PLEKHH2: variants seen among roughly 807,000 people sequenced by gnomAD.
The protein encoded by PLEKHH2 is pleckstrin homology domain-containing family H member 2.
In PLEKHH2, 129 loss-of-function variants were observed where a neutral mutation model predicts 187.9. The ratio of observed to expected loss-of-function variants is 0.69; its 90% CI spans 0.59 to 0.79. The LOEUF is 0.79. Ranked by LOEUF, PLEKHH2 falls within the 30% of genes least tolerant of loss-of-function variation. PLEKHH2 has a pLI of 0.00. For missense variants in PLEKHH2, 2,076 were observed against 1,751.2 expected (o/e 1.19, Z -3.31); for synonymous variants, 686 against 605.6 (o/e 1.13, Z -1.95).
intron 6 of PLEKHH2, 40 bp from the exon 7 acceptor site, chr2:43,697,131 T>C: frequency 6.7e-7 from 1 of 1,483,724 alleles, no homozygotes; most frequent in Non-Finnish European, 9.1e-7. Context: ...CAAACTTCTA[T>C]AAAAAATTCA....
intron 2 of PLEKHH2, 132 bp from the exon 3 acceptor site, chr2:43,678,731 G>GGTGGAA (rs1274193798): frequency 3.2e-6 from 2 of 624,690 alleles, no homozygotes; most frequent in Non-Finnish European, 5.8e-6. Context: ...CGTGGGTAGA[G>GGTGGAA]GTGGAAGTGG....
intron 2 of PLEKHH2, among the ~76,000 whole-genome samples, chr2:43,670,463 C>T (rs1167641272): frequency 6.6e-6 from 1 of 151,760 alleles, no homozygotes; most frequent in Non-Finnish European, 1.5e-5. Context: ...TAGAGTAAAC[C>T]AATAAAAATT....
intron 25 of PLEKHH2, among the ~76,000 whole-genome samples, chr2:43,754,964 C>T (rs935315308): frequency 6.6e-6 from 1 of 151,026 alleles, no homozygotes; most frequent in African/African-American, 2.4e-5. Context: ...CCCCCACCTC[C>T]CGGGTTCAAG....
intron 1 of PLEKHH2, among the ~76,000 whole-genome samples, chr2:43,642,289 A>G (rs919221972): frequency 6.6e-6 from 1 of 152,194 alleles, no homozygotes; most frequent in South Asian, 2.1e-4. Context: ...TTGCTAGTGT[A>G]TAGAAAAACA....
intron 1 of PLEKHH2, among the ~76,000 whole-genome samples, chr2:43,644,133 T>C (rs1010059470): frequency 2.6e-5 from 4 of 152,076 alleles, no homozygotes; most frequent in African/African-American, 4.8e-5. Context: ...TTGAGAGTGA[T>C]GATAAGGAAT....
At chr2:43,760,281 C>G (rs1361026493) in intron 27 of PLEKHH2, among the ~76,000 whole-genome samples, 1 of 151,728 alleles carries the variant, frequency 6.6e-6, no homozygotes, top group Non-Finnish European at 1.5e-5. Flanking sequence ...TTATAACAAG[C>G]GACACCTCCT....
At chr2:43,655,310 G>C (rs1165917119) in intron 2 of PLEKHH2, among the ~76,000 whole-genome samples, 1 of 152,110 alleles carries the variant, frequency 6.6e-6, no homozygotes, top group Non-Finnish European at 1.5e-5. Context: ...TATCTGTATA[G>C]GATAGTGTAG....
intron 2 of PLEKHH2, among the ~76,000 whole-genome samples, chr2:43,658,215 T>C (rs1024114211): frequency 1.3e-5 from 2 of 152,254 alleles, no homozygotes; most frequent in African/African-American, 4.8e-5. Context: ...TGTTTTCTTC[T>C]GCTCCTTCCC....
rs70965309 is a variant in PLEKHH2 at position 43,638,248 on chromosome 2, A to AACACAC, written c.-4+904_-4+909dup. Among the ~76,000 whole-genome samples, 628 of 148,862 alleles carry AACACAC rather than the reference A, an allele frequency of 4.2e-3. 1 individual carries two copies. The highest frequency in any genetic ancestry group is 0.01 in the African/African-American group (423 of 40,472). On this transcript the variant is annotated intron_variant, in intron 1 of 29. Coordinates refer to ENST00000282406, the MANE Select transcript of PLEKHH2 (RefSeq NM_172069.4). ...TCAGTCTCGTCGAGAAAGATCTTTT[A>AACACAC]ACACACACACACACACACACACACA...
At chr2:43,707,294 G>A in intron 10 of PLEKHH2, 107 bp from the exon 11 acceptor site, 3 of 1,275,134 alleles carry the variant, frequency 2.4e-6, no homozygotes, top group African/African-American at 1.5e-5. Flanking sequence ...ATACAGGGAG[G>A]TTGCTCTGCT....
Position 43,710,818 on chromosome 2 carries a change from C to A in PLEKHH2, c.2301+243C>A, listed in dbSNP as rs79670606. 1.1e-4 allele frequency: 142 copies of A among 1,264,216 alleles called. No individual in the cohort carries two copies. In the East Asian group the frequency reaches 4.1e-3, roughly 37 times the overall value. The allele number at this position is 1,264,216 out of a possible 1,614,324, so 78.3% of individuals were successfully genotyped here. A position where few individuals can be genotyped will look rare whatever the true frequency, so the allele number is the denominator to read the frequency against. On this transcript the variant is annotated intron_variant, in intron 14 of 29. Coordinates refer to ENST00000282406, the MANE Select transcript of PLEKHH2 (RefSeq NM_172069.4). ...CCTTTCTTCCTTTATACTCTTCTTT[C>A]CTCATATTTAATCTCCTAGGTATTT...
Position 43,691,324 on chromosome 2 carries a change from G to T in PLEKHH2, c.187-1190G>T, listed in dbSNP as rs555126228. On this transcript the variant is annotated intron_variant, in intron 3 of 29. Transcript: ENST00000282406. Reference sequence around the variant, plus strand: ...GGTGGTCCCCCCACCCGAAGCAGGAGATTTCCCAATATGGCTGAGCCCGGG... The same window carrying T: ...GGTGGTCCCCCCACCCGAAGCAGGATATTTCCCAATATGGCTGAGCCCGGG... 1.6e-3 allele frequency among the ~76,000 whole-genome samples: 237 copies of T among 152,352 alleles called. 1 individual carries two copies. Among genetic ancestry groups the T allele is most frequent in the African/African-American group, 5.7e-3 (235 of 41,586 alleles).
rs555022643 is a variant in PLEKHH2, at chr2:43,737,779, G to A, written c.2944-562G>A. Among the ~76,000 whole-genome samples the A allele has an allele frequency of 4.6e-5, 7 of 152,294 alleles. No homozygotes were observed. The South Asian group carries it at 6.2e-4, about 14-fold the overall frequency. On this transcript the variant is annotated intron_variant, in intron 19 of 29. Coordinates refer to ENST00000282406, the MANE Select transcript of PLEKHH2 (RefSeq NM_172069.4). ...TTTATAAGCTAATCTTAGAAATGGC[G>A]TGCCACATGCTACCAGTCACACAGA...
chr2:43,691,764 C>G (rs1219555701), intron 3 of PLEKHH2, among the ~76,000 whole-genome samples: 3 of 152,338 alleles, frequency 2.0e-5, no homozygotes, highest in African/African-American at 4.8e-5. Flanking sequence ...CTCAAGCTAT[C>G]TGCCTGCCTC....
chr2:43,711,083 T>G (rs1272685848), intron 14 of PLEKHH2: 2 of 986,344 alleles, frequency 2.0e-6, no homozygotes, highest in African/African-American at 3.5e-5. Context: ...CTGCTGCCCA[T>G]TTTACTCACA....
intron 1 of PLEKHH2, among the ~76,000 whole-genome samples, chr2:43,643,558 C>T (rs766992297): frequency 6.6e-5 from 10 of 152,094 alleles, no homozygotes; most frequent in African/African-American, 1.9e-4. Flanking sequence ...TTCTATATTA[C>T]GCTAAATACT....
At chr2:43,747,128 C>G (rs1671817016) in intron 24 of PLEKHH2, among the ~76,000 whole-genome samples, 1 of 151,884 alleles carries the variant, frequency 6.6e-6, no homozygotes, top group Non-Finnish European at 1.5e-5. Flanking sequence ...CTCTCTCTCT[C>G]TCTCTCGGTG....
In PLEKHH2 at chr2:43,695,164, C is replaced by T; in HGVS notation, c.442C>T (p.Leu148Phe). 1.3e-6 allele frequency: 2 copies of T among 1,596,534 alleles called. No homozygotes were observed. ...TTAGCTGGAATTGGAGAATCAGAAT[C>T]TTCGTTTGATCAACCAAAACCAAAC... ...LNELELENQN[L>F]RLINQNQTEE... Residue 148 changes from leucine to phenylalanine, a missense_variant, in exon 6 of 30, where the codon CTT (leucine) becomes TTT (phenylalanine). Physicochemically the swap from Leu to Phe is conservative, Grantham distance 22. Coordinates refer to ENST00000282406, the MANE Select transcript of PLEKHH2 (RefSeq NM_172069.4).
At chr2:43,760,693 G>A (rs1672394535) in intron 27 of PLEKHH2, among the ~76,000 whole-genome samples, 1 of 152,064 alleles carries the variant, frequency 6.6e-6, no homozygotes, top group Non-Finnish European at 1.5e-5. Context: ...GTATAGTTCT[G>A]TGGCATTAAG....
Sources: gnomAD v4.1 joint callset for allele counts (sites outside exome capture counted in the v4.1 genomes callset) on GRCh38, gnomAD v4.1.1 for gene constraint, MANE v1.5 for transcripts, NCBI Gene and HGNC (gene_info 2026-07-23, HGNC 2026-07-21) for gene names.